Variants in TMEM63A observed in about 807,000 individuals in gnomAD.
TMEM63A encodes transmembrane protein 63A, also known as mechanosensitive cation channel TMEM63A.
Under a neutral mutation model 100.6 loss-of-function variants are expected in TMEM63A, and 76 were observed. The ratio of observed to expected loss-of-function variants is 0.76; its 90% CI spans 0.63 to 0.91. The LOEUF (loss-of-function observed/expected upper bound fraction) is 0.91. TMEM63A is among the 40% of genes least tolerant of loss of function. The pLI, the probability that TMEM63A is intolerant of heterozygous loss-of-function variation, is 0.00. For synonymous variants in TMEM63A, 401 were observed against 401.1 expected, an observed-to-expected ratio of 1.00 and a Z score of 0.00; for missense variants, 876 against 1,008.8, an observed-to-expected ratio of 0.87 and a Z score of 1.78.
chr1:225,848,577 G>T, intron 22 of TMEM63A, 23 bp from the exon 23 acceptor site: 1 of 1,613,552 alleles, frequency 6.2e-7, no homozygotes, highest in Non-Finnish European at 8.5e-7. Flanking sequence ...GCAAAAACTT[G>T]CGATGATAAA....
Position 225,845,627 on chromosome 1 carries a change from G to A in TMEM63A, c.*1312C>T, listed in dbSNP as rs1668913720. Reference sequence around the variant, plus strand: ...ACATGGGGCCCCCTGTGCAAGCAGAGCTGGCCGGCCCCTCCTTGCTGGCAG... The same window carrying A: ...ACATGGGGCCCCCTGTGCAAGCAGAACTGGCCGGCCCCTCCTTGCTGGCAG... On this transcript the variant is annotated 3_prime_UTR_variant, in exon 25 of 25. Coordinates refer to ENST00000366835, the MANE Select transcript of TMEM63A (RefSeq NM_014698.3). The A allele has an allele frequency of 1.9e-6, 1 of 523,046 alleles. No individual in the cohort carries two copies. The highest frequency in any genetic ancestry group is 2.1e-5 in the South Asian group (1 of 48,528). 32.4% of individuals were successfully genotyped at this position (523,046 alleles called of 1,614,324 possible).
chr1:225,851,661 G>A (rs1340959452), intron 20 of TMEM63A, among the ~76,000 whole-genome samples: 1 of 152,184 alleles, frequency 6.6e-6, no homozygotes, highest in Non-Finnish European at 1.5e-5. Context: ...AAGCCATCGT[G>A]CCCAGCCCCA....
intron 5 of TMEM63A, chr1:225,871,508 T>A: frequency 4.6e-6 from 1 of 216,156 alleles, no homozygotes; most frequent in Non-Finnish European, 9.3e-6. Context: ...GTCTGCAGGT[T>A]TTATTGTCCT....
chr1:225,849,302 G>A (rs891802910), intron 21 of TMEM63A, among the ~76,000 whole-genome samples: 4 of 152,122 alleles, frequency 2.6e-5, no homozygotes, highest in Non-Finnish European at 5.9e-5. Flanking sequence ...CAGCCTCCTT[G>A]CTGGTCCGTT....
chr1:225,870,101 G>C (rs959600679), intron 6 of TMEM63A, among the ~76,000 whole-genome samples: 1 of 152,072 alleles, frequency 6.6e-6, no homozygotes, highest in Non-Finnish European at 1.5e-5. Context: ...TATAATCCCA[G>C]CACTTTGGGA....
In TMEM63A at chr1:225,862,196, G is replaced by T; in HGVS notation, c.1085+22C>A. The T allele has an allele frequency of 1.9e-6, 3 of 1,612,954 alleles. No individual in the cohort carries two copies. Among genetic ancestry groups the T allele is most frequent in the Non-Finnish European group, 2.5e-6 (3 of 1,179,848 alleles). ...GGAACAGGGAGTCAGCCAAGAAGGG[G>T]TCTGGATGTGCCTACACTCACTAGG... On this transcript the variant is annotated intron_variant, in intron 13 of 24. Transcript: ENST00000366835. This position sits in a 1 kb window ranked among gnomAD's most constrained non-coding sequence, Gnocchi z 5.1.
At position 225,862,659 on chromosome 1, in the gene TMEM63A, G is replaced by A. The variant is rs566140707; in HGVS notation, c.828-81C>T. ...CCCCCATACCCACAGTTCAACCATC[G>A]AACGCCAGGGGAGAAGGAGGGGTCC... On this transcript the variant is annotated intron_variant, in intron 11 of 24. Coordinates refer to ENST00000366835, the MANE Select transcript of TMEM63A (RefSeq NM_014698.3). This position sits in a 1 kb window ranked among gnomAD's most constrained non-coding sequence, Gnocchi z 5.1. 8.4e-5 allele frequency: 135 copies of A among 1,601,490 alleles called. No individual in the cohort carries two copies. The African/African-American group carries it at 1.1e-3, about 13-fold the overall frequency.
intron 2 of TMEM63A, 177 bp from the exon 3 acceptor site, chr1:225,877,771 A>G: frequency 3.4e-6 from 2 of 579,880 alleles, no homozygotes; most frequent in Non-Finnish European, 6.0e-6. Context: ...GGCAGTGTCC[A>G]CAGAGAATGG....
intron 9 of TMEM63A, 76 bp downstream of exon 9, chr1:225,866,497 GA>G: frequency 7.5e-7 from 1 of 1,333,100 alleles, no homozygotes; most frequent in Non-Finnish European, 1.1e-6. Context: ...GCCTGTGGCA[GA>G]GCCTGGGAGG....
Position 225,848,505 on chromosome 1 carries a change from G to GA in TMEM63A, c.2236_2237insT (p.Pro746LeufsTer166), listed in dbSNP as rs756385994. On this transcript the variant is annotated frameshift_variant, in exon 23 of 25. Coordinates refer to ENST00000366835, the MANE Select transcript of TMEM63A (RefSeq NM_014698.3). LOFTEE classifies it high-confidence loss of function. ...GGCACAGCTTACTGTGAACGGTGGG[G>GA]GCATGTGGGCCTCTGCCTCACTTCC... The GA allele has an allele frequency of 3.1e-6, 5 of 1,614,026 alleles. No homozygotes were observed.
chr1:225,848,962 T>A lies in TMEM63A; in HGVS notation c.2122A>T (p.Ile708Phe), dbSNP rs1297564525. 6.5e-7 allele frequency: 1 copy of A among 1,535,866 alleles called. No homozygotes were observed. Among genetic ancestry groups the A allele is most frequent in the Non-Finnish European group, 8.8e-7 (1 of 1,133,996 alleles). Residue 708 changes from isoleucine to phenylalanine, a missense_variant, in exon 22 of 25, where the codon ATC (isoleucine) becomes TTC (phenylalanine). Physicochemically the swap from Ile to Phe is conservative, Grantham distance 21 (BLOSUM62 0). Transcript: ENST00000366835. ...LFTFLVLLLT[I>F]LVCLAHTCFG... Reference sequence around the variant, plus strand: ...CAGGTGTGAGCCAGGCAGACCAGGATGGTGAGCAGCAGCACCAGGAAGGTG... The same window carrying A: ...CAGGTGTGAGCCAGGCAGACCAGGAAGGTGAGCAGCAGCACCAGGAAGGTG...
chr1:225,860,947 C>A lies in TMEM63A; in HGVS notation c.1136G>T (p.Gly379Val), dbSNP rs1669904649. The A allele has an allele frequency of 1.9e-6, 3 of 1,612,738 alleles. No homozygotes were observed. The highest frequency in any genetic ancestry group is 2.2e-5 in the South Asian group (2 of 90,824). ...ACKCQSLQCK[G>V]EPQPSSHSRE... ...GCTATGGGAGGACGGCTGGGGCTCA[C>A]CTTTGCACTGAAGGCTCTGACACTT... Residue 379 changes from glycine to valine, a missense_variant, in exon 14 of 25, where the codon GGT becomes GTT. Around this residue, in one of 5 missense-constraint regions of TMEM63A, gnomAD observed 487 missense variants for 581.9 expected, o/e 0.84. Coordinates refer to ENST00000366835, the MANE Select transcript of TMEM63A (RefSeq NM_014698.3).
chr1:225,875,534 G>T (rs970860733), intron 3 of TMEM63A, among the ~76,000 whole-genome samples: 1 of 152,202 alleles, frequency 6.6e-6, no homozygotes, highest in Non-Finnish European at 1.5e-5. Context: ...GAGGCACTGA[G>T]TTCTCGTGGA....
At chr1:225,874,137 AG>A (rs905874106) in intron 4 of TMEM63A, 150 bp downstream of exon 4, 9 of 668,974 alleles carry the variant, frequency 1.3e-5, no homozygotes, top group Non-Finnish European at 2.2e-5. Flanking sequence ...GCCCACATGG[AG>A]GGCTTCATAA....
chr1:225,859,258 G>A lies in TMEM63A; in HGVS notation c.1315C>T (p.Pro439Ser), dbSNP rs761952080. The A allele has an allele frequency of 6.2e-7, 1 of 1,614,112 alleles. No individual in the cohort carries two copies. Among genetic ancestry groups the A allele is most frequent in the South Asian group, 1.1e-5 (1 of 91,076 alleles). The change falls in exon 15 of 25, where the codon CCC becomes TCC. Residue 439 changes from proline (P) to serine (S), a missense_variant. Pro to Ser is a moderately conservative substitution (Grantham distance 74, BLOSUM62 -1). This residue lies in a region of TMEM63A where 487 missense variants were observed against 581.9 expected (regional missense o/e 0.84). Coordinates refer to ENST00000366835, the MANE Select transcript of TMEM63A (RefSeq NM_014698.3). Reference protein sequence around the residue: ...LFLGLFFLTTPSIILSTMDKF... With the variant: ...LFLGLFFLTTSSIILSTMDKF... ...TCCATGGTGGACAGGATGATGGAGG[G>A]TGTGGTCAGGAAAAATAGCCCCAGG...
At chr1:225,882,092 G>A (rs1404961923) in intron 1 of TMEM63A, among the ~76,000 whole-genome samples, 2 of 152,250 alleles carry the variant, frequency 1.3e-5, no homozygotes, top group Non-Finnish European at 2.9e-5. Flanking sequence ...CTGAAAAGCC[G>A]CCAGGAATTC....
downstream of TMEM63A, among the ~76,000 whole-genome samples, chr1:225,842,154 A>G (rs888445566): frequency 6.6e-6 from 1 of 152,260 alleles, no homozygotes; most frequent in Non-Finnish European, 1.5e-5. Flanking sequence ...GACAGTGGGA[A>G]GGTATCGTCC....
intron 6 of TMEM63A, among the ~76,000 whole-genome samples, chr1:225,869,096 G>A (rs1048093071): frequency 6.6e-6 from 1 of 152,212 alleles, no homozygotes; most frequent in Non-Finnish European, 1.5e-5. Context: ...ATGTCAGCGT[G>A]GGCTTTGCAG....
At chr1:225,860,687 G>A in intron 14 of TMEM63A, 173 bp downstream of exon 14, 2 of 621,664 alleles carry the variant, frequency 3.2e-6, no homozygotes, top group Non-Finnish European at 4.9e-6. Context: ...GGAAGGGCTG[G>A]GCAGATACCC....
Sources: allele counts gnomAD v4.1 joint callset (sites outside exome capture counted in the v4.1 genomes callset), GRCh38; gene constraint gnomAD v4.1.1; regional missense constraint gnomAD v4.1.1; non-coding constraint Gnocchi (gnomAD v3.1); transcripts MANE v1.5; gene names NCBI Gene and HGNC (gene_info 2026-07-23, HGNC 2026-07-21).